Variants in ERAP1 observed in about 807,000 individuals in gnomAD.
The protein encoded by ERAP1 is adipocyte-derived leucine aminopeptidase.
Under a neutral mutation model 103.7 loss-of-function variants are expected in ERAP1, and 86 were observed. That is an observed-to-expected ratio of 0.83 (90% CI 0.70 to 0.99). The LOEUF (loss-of-function observed/expected upper bound fraction) is 0.99, where lower values mean the gene tolerates loss of function less well. Among genes scored for constraint, ERAP1 ranks in the 50% least tolerant of loss-of-function variants. The probability of loss-of-function intolerance (pLI) is 0.00; values close to 1 mark genes in which losing one functional copy is unlikely to be tolerated. For synonymous variants in ERAP1, 398 were observed against 402.4 expected (o/e 0.99, Z 0.13); for missense variants, 1,009 against 1,128.4 (o/e 0.89, Z 1.52).
the ERAP1 span, among the ~76,000 whole-genome samples, chr5:96,832,656 T>C: frequency 6.6e-6 from 1 of 152,256 alleles, no homozygotes; most frequent in African/African-American, 2.4e-5. Flanking sequence ...TATTTAATCA[T>C]CTTTATAAAC....
chr5:96,832,515 A>T, the ERAP1 span, among the ~76,000 whole-genome samples: 1 of 152,250 alleles, frequency 6.6e-6, no homozygotes, highest in African/African-American at 2.4e-5. Flanking sequence ...AGAACTACAC[A>T]TTCAGATTTT....
chr5:96,909,238 T>TG, the ERAP1 span: 1 of 877,062 alleles, frequency 1.1e-6, no homozygotes, highest in Non-Finnish European at 1.8e-6. Context: ...GGGGACTGAC[T>TG]GATAGCATGT....
chr5:96,880,922 G>A, the ERAP1 span: 2 of 158,728 alleles, frequency 1.3e-5, no homozygotes, highest in Admixed American at 5.9e-5. Flanking sequence ...AATGAGGCTG[G>A]AGATTGAAAC....
At chr5:96,853,216 G>A in the ERAP1 span, among the ~76,000 whole-genome samples, 1 of 152,154 alleles carries the variant, frequency 6.6e-6, no homozygotes, top group Non-Finnish European at 1.5e-5. Flanking sequence ...AAAACCTACT[G>A]ACAAAGGAAT....
downstream of ERAP1, chr5:96,771,633 T>C (rs879280986): frequency 1.2e-6 from 2 of 1,610,368 alleles, no homozygotes; most frequent in African/African-American, 2.7e-5. Context: ...TGGTTTTGCT[T>C]TCCCTTTTAG....
chr5:96,812,801 G>A (rs1779228045), upstream of ERAP1, among the ~76,000 whole-genome samples: 2 of 152,222 alleles, frequency 1.3e-5, no homozygotes, highest in Non-Finnish European at 2.9e-5. Context: ...GGCCTGAAAA[G>A]AGAAACTCAT....
At chr5:96,821,307 G>C in the ERAP1 span, among the ~76,000 whole-genome samples, 1 of 152,206 alleles carries the variant, frequency 6.6e-6, no homozygotes, top group Non-Finnish European at 1.5e-5. Context: ...AAACATGTGG[G>C]TGCCATAGCT....
chr5:96,902,203 C>T, the ERAP1 span: 6 of 1,065,318 alleles, frequency 5.6e-6, no homozygotes, highest in Non-Finnish European at 8.8e-6. Context: ...TACAGTCTGT[C>T]TGAGTCTGAC....
chr5:96,782,859 T>C (rs899064548), intron 15 of ERAP1, among the ~76,000 whole-genome samples, 192 bp downstream of exon 15: 4 of 152,232 alleles, frequency 2.6e-5, no homozygotes, highest in East Asian at 1.9e-4. Flanking sequence ...CTTTTATGCA[T>C]AGAAGTTCCC....
chr5:96,902,324 T>C, the ERAP1 span: 1 of 1,611,560 alleles, frequency 6.2e-7, no homozygotes. Context: ...TCTAATGTGA[T>C]CCACAGACAC....
exon 20 of ERAP1, chr5:96,762,226 A>AT: frequency 7.9e-7 from 1 of 1,271,130 alleles, no homozygotes; most frequent in Admixed American, 2.0e-5. Context: ...CATTGTGCTC[A>AT]TAATTTTATA....
At chr5:96,874,798 A>G in the ERAP1 span, among the ~76,000 whole-genome samples, 2 of 152,274 alleles carry the variant, frequency 1.3e-5, no homozygotes, top group African/African-American at 4.8e-5. Flanking sequence ...TGGGCCAAAC[A>G]TAGGTTGCAA....
upstream of ERAP1, among the ~76,000 whole-genome samples, chr5:96,811,114 A>T (rs1375676920): frequency 2.0e-5 from 3 of 152,200 alleles, no homozygotes; most frequent in South Asian, 2.1e-4. Context: ...ATTTAAAAAA[A>T]AATAATAATG....
At chr5:96,918,438 G>C in the ERAP1 span, 5 of 152,166 alleles carry the variant, frequency 3.3e-5, no homozygotes, top group African/African-American at 1.2e-4. Context: ...TAGAAACTAG[G>C]TGTCAGGGTT....
At chr5:96,798,557 T>C (rs1777618984) in intron 3 of ERAP1, among the ~76,000 whole-genome samples, 1 of 147,734 alleles carries the variant, frequency 6.8e-6, no homozygotes, top group South Asian at 2.2e-4. Flanking sequence ...AATCCAATAC[T>C]TACCTCTATT....
the ERAP1 span, among the ~76,000 whole-genome samples, chr5:96,908,725 T>C: frequency 6.6e-6 from 1 of 152,322 alleles, no homozygotes; most frequent in Middle Eastern, 3.4e-3. Context: ...AACAAGCCTA[T>C]GAGGAAGATA....
At chr5:96,880,004 T>C in the ERAP1 span, 6 of 1,614,082 alleles carry the variant, frequency 3.7e-6, no homozygotes, top group South Asian at 3.3e-5. Flanking sequence ...TGCTACCCAG[T>C]TTATCATCTT....
At chr5:96,767,608 C>A in intron 19 of ERAP1, 2 of 705,254 alleles carry the variant, frequency 2.8e-6, no homozygotes, top group Admixed American at 2.5e-5. Flanking sequence ...TCAAAGCATG[C>A]ATATAAATGT....
At chr5:96,900,154 G>A in the ERAP1 span, 2 of 1,613,898 alleles carry the variant, frequency 1.2e-6, no homozygotes, top group Non-Finnish European at 1.7e-6. Context: ...ATCTGGTGGA[G>A]TTTGTCATTC....
Sources: allele counts gnomAD v4.1 joint callset (sites outside exome capture counted in the v4.1 genomes callset), GRCh38; gene constraint gnomAD v4.1.1; transcripts MANE v1.5; gene names NCBI Gene and HGNC (gene_info 2026-07-23, HGNC 2026-07-21).